The following BRAF variants were observed in gnomAD, a reference collection of about 807,000 sequenced individuals.
BRAF encodes B-Raf proto-oncogene, serine/threonine kinase.
BRAF carries 16 observed loss-of-function variants against 104.6 expected under a neutral mutation model. The ratio of observed to expected loss-of-function variants is 0.15; its 90% confidence interval spans 0.10 to 0.23. The LOEUF (loss-of-function observed/expected upper bound fraction) is 0.23. BRAF is among the 10% of genes least tolerant of loss of function. The pLI, the probability that BRAF is intolerant of heterozygous loss-of-function variation, is 1.00. For missense variants in BRAF, 541 were observed against 937.3 expected (o/e 0.58, Z 5.52); for synonymous variants, 310 against 341.6 (o/e 0.91, Z 1.02).
chr7:140,773,667 TAG>T (rs1486875093), intron 14 of BRAF, among the ~76,000 whole-genome samples: 2 of 152,220 alleles, frequency 1.3e-5, no homozygotes, highest in Non-Finnish European at 2.9e-5. Context: ...AGAACAGATT[TAG>T]AGAAATAACA....
chr7:140,814,941 A>C (rs2129051602), intron 3 of BRAF, among the ~76,000 whole-genome samples: 1 of 151,158 alleles, frequency 6.6e-6, no homozygotes, highest in East Asian at 1.9e-4. Flanking sequence ...ATAGTACATT[A>C]ATTTGGTAGT....
intron 2 of BRAF, among the ~76,000 whole-genome samples, chr7:140,849,648 TAAAAATAGAA>T (rs1808941341): frequency 6.6e-6 from 1 of 151,648 alleles, no homozygotes; most frequent in South Asian, 2.1e-4. Context: ...CCATCTCTAC[TAAAAATAGAA>T]AAAATTAGGT....
intron 3 of BRAF, among the ~76,000 whole-genome samples, chr7:140,811,260 C>G (rs774933979): frequency 1.3e-5 from 2 of 152,094 alleles, no homozygotes; most frequent in Non-Finnish European, 2.9e-5. Context: ...GATATGACCA[C>G]GAGGTGGCAG....
intron 3 of BRAF, among the ~76,000 whole-genome samples, chr7:140,831,649 AG>A (rs1806763084): frequency 6.6e-6 from 1 of 152,216 alleles, no homozygotes; most frequent in Non-Finnish European, 1.5e-5. Context: ...CTGGGGACTC[AG>A]GACTCAGCAA....
At chr7:140,906,538 T>C (rs1019346701) in intron 1 of BRAF, among the ~76,000 whole-genome samples, 1 of 152,216 alleles carries the variant, frequency 6.6e-6, no homozygotes, top group Non-Finnish European at 1.5e-5. Context: ...ACGTTTCTTT[T>C]AATACATCCA....
chr7:140,861,435 T>C (rs2365151), intron 1 of BRAF, among the ~76,000 whole-genome samples: 5,590 of 152,300 alleles, frequency 0.037, 158 homozygotes, highest in Non-Finnish European at 0.059. Flanking sequence ...GTGTATAGGT[T>C]TTCCAGGAAT....
intron 2 of BRAF, among the ~76,000 whole-genome samples, chr7:140,847,176 T>C (rs892661900): frequency 4.5e-4 from 68 of 151,978 alleles, no homozygotes; most frequent in African/African-American, 1.5e-3. Context: ...AAAAATAAAA[T>C]GGTGATAAGT....
At chr7:140,784,389 T>C (rs1801156310) in intron 10 of BRAF, among the ~76,000 whole-genome samples, 1 of 152,188 alleles carries the variant, frequency 6.6e-6, no homozygotes, top group South Asian at 2.1e-4. Context: ...TTCAACATTA[T>C]AAAGCCTCGA....
chr7:140,816,078 C>A (rs1438532162), intron 3 of BRAF, among the ~76,000 whole-genome samples: 1 of 152,106 alleles, frequency 6.6e-6, no homozygotes, highest in Non-Finnish European at 1.5e-5. Context: ...GTTTATTAGG[C>A]GCCAAGAATG....
At chr7:140,774,611 G>T (rs1800157472) in intron 14 of BRAF, among the ~76,000 whole-genome samples, 1 of 152,126 alleles carries the variant, frequency 6.6e-6, no homozygotes, top group Non-Finnish European at 1.5e-5. Flanking sequence ...CACACTCCTG[G>T]GCTCAAGTGA....
In BRAF at chr7:140,924,708, T is replaced by A. The variant is rs71645936; in HGVS notation, c.-5A>T. On this transcript the variant is annotated 5_prime_UTR_variant, in exon 1 of 20. Coordinates refer to ENST00000644969, the MANE Select transcript of BRAF (RefSeq NM_001374258.1). The surrounding 1 kb of genome is among the most constrained non-coding windows in gnomAD (Gnocchi z 4.2). The stretch of plus-strand genomic sequence containing the variant: ...GCCACCGCTCAGCGCCGCCATCTTA[T>A]AACCGAGAGCCGGGGCCCGAGCGGC... 3 of 977,068 alleles carry A rather than the reference T, an allele frequency of 3.1e-6. No homozygotes were observed. Among genetic ancestry groups the A allele is most frequent in the East Asian group, 5.8e-5 (2 of 34,350 alleles). 60.5% of individuals were successfully genotyped at this position (977,068 alleles called of 1,614,324 possible).
intron 1 of BRAF, among the ~76,000 whole-genome samples, chr7:140,919,591 A>G (rs1817995376): frequency 6.6e-6 from 1 of 152,178 alleles, no homozygotes; most frequent in African/African-American, 2.4e-5. Flanking sequence ...CATGCTAATT[A>G]AGTATGTTAG....
chr7:140,846,707 A>G (rs912937294), intron 2 of BRAF, among the ~76,000 whole-genome samples: 1 of 152,194 alleles, frequency 6.6e-6, no homozygotes, highest in African/African-American at 2.4e-5. Context: ...ATAAAAAAAA[A>G]AAGTGTAAAG....
intron 8 of BRAF, among the ~76,000 whole-genome samples, chr7:140,792,998 G>A (rs1802136023): frequency 6.6e-6 from 1 of 152,208 alleles, no homozygotes; most frequent in Non-Finnish European, 1.5e-5. Flanking sequence ...AATCTATTTA[G>A]GAGATTAATG....
chr7:140,903,511 G>A (rs1352374520), intron 1 of BRAF, among the ~76,000 whole-genome samples: 2 of 152,168 alleles, frequency 1.3e-5, no homozygotes, highest in Non-Finnish European at 2.9e-5. Context: ...GAGCTCTGAT[G>A]GAGAGCTACA....
At chr7:140,910,853 CAG>C (rs569799375) in intron 1 of BRAF, among the ~76,000 whole-genome samples, 1 of 151,924 alleles carries the variant, frequency 6.6e-6, no homozygotes, top group South Asian at 2.1e-4. Flanking sequence ...TTTGTAGAGA[CAG>C]GGGCTCGCTA....
chr7:140,720,930 T>C lies in BRAF; in HGVS notation c.*5564A>G, dbSNP rs1458941944. The C allele has an allele frequency of 2.8e-6, 3 of 1,065,874 alleles. No individual in the cohort carries two copies. Among genetic ancestry groups the C allele is most frequent in the Non-Finnish European group, 3.4e-6 (3 of 879,618 alleles). 66.0% of individuals were successfully genotyped at this position (1,065,874 alleles called of 1,614,324 possible). A position where few individuals can be genotyped will look rare whatever the true frequency, so the allele number is the denominator to read the frequency against. ...TCTGCCAACTCTCCCGCATATGTGC[T>C]GTACATGAGAACCAGCGGTCACGGT... is the stretch of plus-strand genomic sequence containing the variant. On this transcript the variant is annotated 3_prime_UTR_variant, in exon 20 of 20. Transcript: ENST00000644969.
intron 14 of BRAF, among the ~76,000 whole-genome samples, chr7:140,763,728 T>C (rs1350424348): frequency 7.9e-5 from 12 of 152,004 alleles, no homozygotes; most frequent in Middle Eastern, 3.4e-3. Flanking sequence ...ACACATACAC[T>C]CTCCCAAGAC....
intron 1 of BRAF, among the ~76,000 whole-genome samples, chr7:140,890,729 TCTG>T (rs1475625183): frequency 6.6e-6 from 1 of 152,240 alleles, no homozygotes; most frequent in Non-Finnish European, 1.5e-5. Flanking sequence ...ATCTGTACCT[TCTG>T]AAGTTCTCCA....
Sources: allele counts gnomAD v4.1 joint callset (sites outside exome capture counted in the v4.1 genomes callset), GRCh38; gene constraint gnomAD v4.1.1; non-coding constraint Gnocchi (gnomAD v3.1); transcripts MANE v1.5; gene names NCBI Gene and HGNC (gene_info 2026-07-23, HGNC 2026-07-21).